The following CDKAL1 variants were observed in gnomAD, a reference collection of about 807,000 sequenced individuals.
CDKAL1 encodes threonylcarbamoyladenosine tRNA methylthiotransferase.
In CDKAL1, 32 loss-of-function variants were observed where a neutral mutation model predicts 68.2. That is an observed-to-expected ratio of 0.47 (90% CI 0.35 to 0.63). The LOEUF (loss-of-function observed/expected upper bound fraction) is 0.63. Among genes scored for constraint, CDKAL1 ranks in the 30% least tolerant of loss-of-function variants. The pLI, the probability that CDKAL1 is intolerant of heterozygous loss-of-function variation, is 0.00. For synonymous variants in CDKAL1, 234 were observed against 244.3 expected (o/e 0.96, Z 0.39); for missense variants, 606 against 696.7 (o/e 0.87, Z 1.47).
At chr6:21,000,634 A>T (rs941244166) in intron 11 of CDKAL1, among the ~76,000 whole-genome samples, 2 of 152,090 alleles carry the variant, frequency 1.3e-5, no homozygotes, top group African/African-American at 4.8e-5. Flanking sequence ...GTGAATTGTG[A>T]TTATTTTTAT....
intron 11 of CDKAL1, among the ~76,000 whole-genome samples, chr6:21,017,325 C>T (rs555930466): frequency 1.3e-5 from 2 of 152,152 alleles, no homozygotes; most frequent in East Asian, 1.9e-4. Flanking sequence ...GATGTGGAGA[C>T]TTCAGAATCT....
rs528914553 is a variant in CDKAL1, at chr6:21,210,460, T to C, written c.1548+9186T>C. On this transcript the variant is annotated intron_variant, in intron 15 of 15. Coordinates refer to ENST00000274695, the MANE Select transcript of CDKAL1 (RefSeq NM_017774.3). ...GTGTGAGGACACAGCAAGAAGACTC[T>C]GTCTATAAACTAGAAATCTGGCCCC... Among the ~76,000 whole-genome samples, 8 of 152,318 alleles carry C rather than the reference T, an allele frequency of 5.3e-5. No homozygotes were observed. The South Asian group carries it at 1.7e-3, about 32-fold the overall frequency.
intron 4 of CDKAL1, among the ~76,000 whole-genome samples, chr6:20,646,395 G>A (rs1768462135): frequency 6.7e-6 from 1 of 149,612 alleles, no homozygotes; most frequent in Non-Finnish European, 1.5e-5. Flanking sequence ...TTTTAAATAA[G>A]TAGAAGGAGT....
At chr6:20,769,570 C>G (rs1330063986) in intron 7 of CDKAL1, among the ~76,000 whole-genome samples, 5 of 152,032 alleles carry the variant, frequency 3.3e-5, no homozygotes, top group Admixed American at 2.6e-4. Flanking sequence ...TCATCATTAT[C>G]AATGCAATTA....
chr6:20,913,819 A>T (rs140168914), intron 9 of CDKAL1, among the ~76,000 whole-genome samples: 125 of 152,270 alleles, frequency 8.2e-4, no homozygotes, highest in Middle Eastern at 3.4e-3. Context: ...CATCTCTAAA[A>T]AATAATAATA....
chr6:20,722,426 G>T (rs1015155598), intron 5 of CDKAL1: 1 of 262,018 alleles, frequency 3.8e-6, no homozygotes, highest in Non-Finnish European at 7.5e-6. Context: ...TTGCAACTGG[G>T]CTCAAAGCAC....
intron 11 of CDKAL1, among the ~76,000 whole-genome samples, chr6:21,003,840 A>G (rs1767586013): frequency 1.3e-5 from 2 of 152,142 alleles, no homozygotes; most frequent in African/African-American, 4.8e-5. Context: ...ATTTGTGCCT[A>G]ACGCTCATTC....
rs375120573 is a variant in CDKAL1, at chr6:20,639,915, C to G, written c.287-9378C>G. ...TGAACTCCTGACCTCGTGATCCGCCCGCCTTGGCCTCCCAGAGTGCTGGGA... is the reference window on the plus strand; with the variant it reads ...TGAACTCCTGACCTCGTGATCCGCCGGCCTTGGCCTCCCAGAGTGCTGGGA... On this transcript the variant is annotated intron_variant, in intron 4 of 15. Coordinates refer to ENST00000274695, the MANE Select transcript of CDKAL1 (RefSeq NM_017774.3). Among the ~76,000 whole-genome samples, 5 of 152,220 alleles carry G rather than the reference C, an allele frequency of 3.3e-5. No individual in the cohort carries two copies. The East Asian group carries it at 9.6e-4, about 29-fold the overall frequency.
At chr6:20,665,563 T>C (rs1769494315) in intron 5 of CDKAL1, among the ~76,000 whole-genome samples, 1 of 152,094 alleles carries the variant, frequency 6.6e-6, no homozygotes, top group Non-Finnish European at 1.5e-5. Flanking sequence ...AAGTTCTTAA[T>C]GACACAAAGT....
intron 5 of CDKAL1, among the ~76,000 whole-genome samples, chr6:20,689,784 G>A (rs754278119): frequency 1.3e-5 from 2 of 152,058 alleles, no homozygotes; most frequent in East Asian, 1.9e-4. Flanking sequence ...AAAATAGAGA[G>A]GTATTTAATT....
Position 21,201,241 on chromosome 6 carries a change from G to T in CDKAL1, c.1515G>T (p.Pro505=), listed in dbSNP as rs148300738. ...TGTACACGCCCTCCATCAGCAAACC[G>T]CTAGCAAAGGGAGAAGTCTCGGGTT... The part of the protein sequence containing the change: ...AKVYTPSISK[P]LAKGEVSGLT... Residue 505 remains proline, a synonymous_variant, in exon 15 of 16, where the codon CCG becomes CCT. Coordinates refer to ENST00000274695, the MANE Select transcript of CDKAL1 (RefSeq NM_017774.3). The T allele has an allele frequency of 6.8e-6, 11 of 1,611,096 alleles. No homozygotes were observed. The highest frequency in any genetic ancestry group is 1.1e-5 in the South Asian group (1 of 90,868).
At chr6:20,538,685 A>G (rs1763272075) in intron 2 of CDKAL1, among the ~76,000 whole-genome samples, 2 of 152,214 alleles carry the variant, frequency 1.3e-5, no homozygotes, top group Admixed American at 1.3e-4. Flanking sequence ...GTTCTTCCGC[A>G]TTCCAAAGGC....
At chr6:20,957,780 G>C (rs1411707169) in intron 10 of CDKAL1, among the ~76,000 whole-genome samples, 1 of 152,050 alleles carries the variant, frequency 6.6e-6, no homozygotes, top group African/African-American at 2.4e-5. Context: ...AGACCAGCCT[G>C]GCCCACATGG....
At chr6:20,675,102 AAAT>A (rs748244028) in intron 5 of CDKAL1, among the ~76,000 whole-genome samples, 120 of 152,136 alleles carry the variant, frequency 7.9e-4, no homozygotes, top group Non-Finnish European at 1.3e-3. Flanking sequence ...TCTTGGCAAA[AAAT>A]AATAAAATAT....
At chr6:21,014,546 G>A (rs1768206083) in intron 11 of CDKAL1, among the ~76,000 whole-genome samples, 1 of 151,686 alleles carries the variant, frequency 6.6e-6, no homozygotes, top group African/African-American at 2.4e-5. Context: ...GGGAGGCGGA[G>A]CTTGCAATGA....
At chr6:21,035,539 G>A (rs1769528822) in intron 11 of CDKAL1, among the ~76,000 whole-genome samples, 1 of 152,064 alleles carries the variant, frequency 6.6e-6, no homozygotes, top group South Asian at 2.1e-4. Context: ...GTATATGTGT[G>A]TTTATCAAGA....
intron 5 of CDKAL1, among the ~76,000 whole-genome samples, chr6:20,720,034 C>T (rs1015268390): frequency 1.3e-5 from 2 of 152,060 alleles, no homozygotes; most frequent in Admixed American, 1.3e-4. Context: ...GTAGCCTTTC[C>T]GTAGTCTGGA....
chr6:20,787,815 G>T (rs779906418), intron 8 of CDKAL1, among the ~76,000 whole-genome samples: 4 of 152,130 alleles, frequency 2.6e-5, no homozygotes, highest in Non-Finnish European at 4.4e-5. Context: ...GACTTTTAAG[G>T]CAGTTTAACG....
At chr6:20,649,249 T>G in intron 4 of CDKAL1, 44 bp from the exon 5 acceptor site, 1 of 1,302,626 alleles carries the variant, frequency 7.7e-7, no homozygotes, top group Non-Finnish European at 1.1e-6. Context: ...TTTGAATGAT[T>G]AAGTGTGCTA....
Sources: allele counts gnomAD v4.1 joint callset (sites outside exome capture counted in the v4.1 genomes callset), GRCh38; gene constraint gnomAD v4.1.1; transcripts MANE v1.5; gene names NCBI Gene and HGNC (gene_info 2026-07-23, HGNC 2026-07-21).